Variants in CSMD1 observed in about 807,000 individuals in gnomAD.
CSMD1 encodes CUB and Sushi multiple domains 1.
Under a neutral mutation model 417.5 loss-of-function variants are expected in CSMD1, and 213 were observed. That is an observed-to-expected ratio of 0.51 (90% CI 0.46 to 0.57). The LOEUF (loss-of-function observed/expected upper bound fraction) is 0.57. CSMD1 is among the 20% of genes least tolerant of loss of function. CSMD1 has a pLI of 0.00. For synonymous variants in CSMD1, 2,862 were observed against 1,736.8 expected, an observed-to-expected ratio of 1.65 and a Z score of -16.11; for missense variants, 6,923 against 4,529.7, an observed-to-expected ratio of 1.53 and a Z score of -15.17.
At chr8:4,032,950 G>C (rs1198783678) in intron 3 of CSMD1, among the ~76,000 whole-genome samples, 1 of 152,016 alleles carries the variant, frequency 6.6e-6, no homozygotes. Context: ...TGATAGAACA[G>C]GCTCCTCAAT....
At chr8:3,789,299 T>C (rs965908340) in intron 5 of CSMD1, among the ~76,000 whole-genome samples, 2 of 152,048 alleles carry the variant, frequency 1.3e-5, no homozygotes, top group African/African-American at 4.8e-5. Flanking sequence ...CTTCCCAGTT[T>C]ATATTTATTG....
At chr8:3,740,747 C>T (rs556542135) in intron 6 of CSMD1, among the ~76,000 whole-genome samples, 1 of 152,192 alleles carries the variant, frequency 6.6e-6, no homozygotes, top group South Asian at 2.1e-4. Context: ...CCTAGTTCCA[C>T]AAAGGAAAGC....
chr8:3,179,133 T>C lies in CSMD1; in HGVS notation c.5725+1977A>G, dbSNP rs113394115. ...GCTAATTCTTTGTATTTTTAGTAGA[T>C]ACGGGGTTTCAACGTGTTAGCCAGG... On this transcript the variant is annotated intron_variant, in intron 37 of 69. Transcript: ENST00000635120. Among the ~76,000 whole-genome samples the C allele has an allele frequency of 6.0e-5, 9 of 149,396 alleles. 1 individual carries two copies. In the South Asian group the frequency reaches 1.8e-3, roughly 29 times the overall value.
At chr8:4,173,267 A>T (rs933251786) in intron 3 of CSMD1, among the ~76,000 whole-genome samples, 3 of 152,178 alleles carry the variant, frequency 2.0e-5, no homozygotes, top group Non-Finnish European at 2.9e-5. Context: ...ATGTAATAAA[A>T]TTTTAAAAAT....
Position 3,544,296 on chromosome 8 carries a change from A to G in CSMD1, c.1344+30649T>C, listed in dbSNP as rs77912364. 4.8e-3 allele frequency among the ~76,000 whole-genome samples: 732 copies of G among 152,324 alleles called. 3 individuals carry two copies. The highest frequency in any genetic ancestry group is 0.017 in the African/African-American group (696 of 41,574). On this transcript the variant is annotated intron_variant, in intron 10 of 69. Transcript: ENST00000635120. ...GCGTTCTTAATTTTGCTTTAAAGAAAATAATATAGATTCTTGCAAAATATA... is the reference window on the plus strand; with the variant it reads ...GCGTTCTTAATTTTGCTTTAAAGAAGATAATATAGATTCTTGCAAAATATA...
intron 5 of CSMD1, among the ~76,000 whole-genome samples, chr8:3,907,661 G>A (rs946741211): frequency 3.9e-5 from 6 of 152,106 alleles, no homozygotes; most frequent in African/African-American, 1.4e-4. Flanking sequence ...TTTGTATTAG[G>A]AAGATTCAGG....
rs187186577 is a variant in CSMD1, at chr8:3,093,244, G to A, written c.7139-1582C>T. Among the ~76,000 whole-genome samples, 512 of 152,280 alleles carry A rather than the reference G, an allele frequency of 3.4e-3. 1 individual carries two copies. The highest frequency in any genetic ancestry group is 0.011 in the African/African-American group (465 of 41,562). On this transcript the variant is annotated intron_variant, in intron 47 of 69. Transcript: ENST00000635120. ...ATAACTGATGTCTTTCTAAGAAAAG[G>A]AGATTAAGACACAGGCACGCCCTGA...
chr8:2,978,475 T>C, intron 55 of CSMD1, 137 bp downstream of exon 55: 1 of 693,870 alleles, frequency 1.4e-6, no homozygotes, highest in Non-Finnish European at 2.4e-6. Flanking sequence ...ACAGCTATCA[T>C]AAAAACTCCT....
intron 10 of CSMD1, among the ~76,000 whole-genome samples, chr8:3,546,653 A>T (rs1798677454): frequency 6.6e-6 from 1 of 152,120 alleles, no homozygotes; most frequent in South Asian, 2.1e-4. Context: ...ACAAAAAAAA[A>T]TTACTCATCA....
At chr8:3,951,095 C>G (rs545525364) in intron 5 of CSMD1, among the ~76,000 whole-genome samples, 3 of 152,154 alleles carry the variant, frequency 2.0e-5, no homozygotes, top group Non-Finnish European at 2.9e-5. Context: ...ATACATTAAT[C>G]TGAAAGAATA....
intron 5 of CSMD1, among the ~76,000 whole-genome samples, chr8:3,838,973 A>G (rs1314595625): frequency 2.4e-5 from 3 of 124,650 alleles, no homozygotes; most frequent in Non-Finnish European, 4.7e-5. Context: ...AATATTATAT[A>G]TAATATATTA....
chr8:2,967,861 T>C (rs915510857), intron 57 of CSMD1, among the ~76,000 whole-genome samples: 1 of 152,156 alleles, frequency 6.6e-6, no homozygotes, highest in Non-Finnish European at 1.5e-5. Context: ...TCTGATTACA[T>C]AGAAATAAAG....
intron 12 of CSMD1, among the ~76,000 whole-genome samples, chr8:3,441,981 G>A (rs145918324): frequency 1.6e-3 from 250 of 152,026 alleles, no homozygotes; most frequent in African/African-American, 5.8e-3. Flanking sequence ...GACAAGATGT[G>A]GAGGCGGAAG....
At chr8:3,919,517 T>C (rs1041545328) in intron 5 of CSMD1, among the ~76,000 whole-genome samples, 1 of 152,192 alleles carries the variant, frequency 6.6e-6, no homozygotes, top group African/African-American at 2.4e-5. Context: ...TACAGTATCA[T>C]ACTGCTTTTA....
intron 49 of CSMD1, among the ~76,000 whole-genome samples, chr8:3,065,294 G>A (rs981116815): frequency 7.2e-6 from 1 of 139,582 alleles, no homozygotes; most frequent in Non-Finnish European, 1.6e-5. Flanking sequence ...TAGATAGATA[G>A]ATAGATAGGT....
chr8:3,369,189 T>G, intron 19 of CSMD1, 65 bp downstream of exon 19: 1 of 776,216 alleles, frequency 1.3e-6, no homozygotes, highest in Non-Finnish European at 2.2e-6. Flanking sequence ...TATGTTTTTG[T>G]TTTGTTCCCG....
intron 1 of CSMD1, among the ~76,000 whole-genome samples, chr8:4,727,965 C>T (rs202056819): frequency 4.6e-5 from 1 of 21,812 alleles, no homozygotes; most frequent in African/African-American, 2.8e-4. Context: ...TATATATATA[C>T]AAAATATATA....
At chr8:4,830,677 G>A (rs1164183430) in intron 1 of CSMD1, among the ~76,000 whole-genome samples, 2 of 152,208 alleles carry the variant, frequency 1.3e-5, no homozygotes, top group African/African-American at 2.4e-5. Flanking sequence ...CTTAATGCAT[G>A]CCAACTAATG....
At chr8:3,449,248 AAAC>A (rs1815528334) in intron 12 of CSMD1, among the ~76,000 whole-genome samples, 1 of 152,212 alleles carries the variant, frequency 6.6e-6, no homozygotes, top group South Asian at 2.1e-4. Context: ...AGTTAAAATT[AAAC>A]AGGCTTATTC....
Sources: allele counts gnomAD v4.1 joint callset (sites outside exome capture counted in the v4.1 genomes callset), GRCh38; gene constraint gnomAD v4.1.1; transcripts MANE v1.5; gene names NCBI Gene and HGNC (gene_info 2026-07-23, HGNC 2026-07-21).